Variants in NOTCH2 observed in about 807,000 individuals in gnomAD.
NOTCH2 encodes the protein neurogenic locus notch homolog protein 2.
In NOTCH2, 29 loss-of-function variants were observed where a neutral mutation model predicts 235.8. That is an observed-to-expected ratio of 0.12 (90% CI 0.09 to 0.17). The LOEUF (loss-of-function observed/expected upper bound fraction) is 0.17. Ranked by LOEUF, NOTCH2 falls within the 10% of genes least tolerant of loss-of-function variation. The pLI is 1.00. For missense variants in NOTCH2, 2,285 were observed against 3,150.2 expected, an observed-to-expected ratio of 0.73 and a Z score of 6.57; for synonymous variants, 1,086 against 1,141.5, an observed-to-expected ratio of 0.95 and a Z score of 0.98.
At chr1:119,999,264 A>T (rs1453130719) in intron 3 of NOTCH2, among the ~76,000 whole-genome samples, 1 of 148,550 alleles carries the variant, frequency 6.7e-6, no homozygotes, top group Admixed American at 6.7e-5. Context: ...TGTCTAGGAA[A>T]GTATCTAAAT....
chr1:120,004,980 G>A (rs1388973658), intron 3 of NOTCH2, among the ~76,000 whole-genome samples: 2 of 152,160 alleles, frequency 1.3e-5, no homozygotes, highest in African/African-American at 2.4e-5. Flanking sequence ...TAGAGATGGG[G>A]TCTTGCTGTG....
chr1:119,915,124 C>G lies in NOTCH2; in HGVS notation c.*182G>C. The G allele has an allele frequency of 1.5e-6, 1 of 665,268 alleles. No homozygotes were observed. The highest frequency in any genetic ancestry group is 2.7e-6 in the Non-Finnish European group (1 of 376,404). The allele number at this position is 665,268 out of a possible 1,614,324, so 41.2% of individuals were successfully genotyped here. A position where few individuals can be genotyped will look rare whatever the true frequency, so the allele number is the denominator to read the frequency against. On this transcript the variant is annotated 3_prime_UTR_variant, in exon 34 of 34. Transcript: ENST00000256646. ...AGATTAGAATAATCAATAAGCCTTGCAGATACCCAGTGAAACTGACGAATT... is the reference window on the plus strand; with the variant it reads ...AGATTAGAATAATCAATAAGCCTTGGAGATACCCAGTGAAACTGACGAATT...
At chr1:120,067,113 C>A (rs1221267115) in intron 1 of NOTCH2, among the ~76,000 whole-genome samples, 2 of 152,048 alleles carry the variant, frequency 1.3e-5, no homozygotes, top group Admixed American at 1.3e-4. Context: ...AAGCCAAACA[C>A]AGGAACACTC....
At position 119,914,832 on chromosome 1, in the gene NOTCH2, A is replaced by T. The variant is rs1283551308; in HGVS notation, c.*474T>A. 1 of 310,388 alleles carries T rather than the reference A, an allele frequency of 3.2e-6. No homozygotes were observed. The highest frequency in any genetic ancestry group is 6.0e-6 in the Non-Finnish European group (1 of 165,530). The allele number at this position is 310,388 out of a possible 1,614,324, so 19.2% of individuals were successfully genotyped here. ...TACAATCACGGAGAGGTGCAAAACC[A>T]AAAGCACCAAATGAAGACAAAAGAA... On this transcript the variant is annotated 3_prime_UTR_variant, in exon 34 of 34. Transcript: ENST00000256646.
intron 5 of NOTCH2, among the ~76,000 whole-genome samples, chr1:119,975,817 G>T (rs1203785296): frequency 2.6e-5 from 4 of 152,092 alleles, no homozygotes; most frequent in African/African-American, 9.7e-5. Flanking sequence ...GCTGTAACAC[G>T]CAGGGACACA....
At chr1:119,977,909 CTCTGACTATACACAATGGGATTAT>C (rs1651654228) in intron 5 of NOTCH2, among the ~76,000 whole-genome samples, 1 of 152,122 alleles carries the variant, frequency 6.6e-6, no homozygotes. Flanking sequence ...ATGTGCCAGG[CTCTGACTATACACAATGGGATTAT>C]AATGGTGAAC....
chr1:119,963,875 T>C, intron 10 of NOTCH2, 68 bp from the exon 11 acceptor site: 1 of 1,322,182 alleles, frequency 7.6e-7, no homozygotes, highest in Non-Finnish European at 1.1e-6. Context: ...AACACAAGTG[T>C]AGCTACATCC....
At chr1:119,980,215 A>G (rs1219163038) in intron 5 of NOTCH2, among the ~76,000 whole-genome samples, 3 of 152,204 alleles carry the variant, frequency 2.0e-5, no homozygotes, top group African/African-American at 7.2e-5. Flanking sequence ...CTAGTCCAAG[A>G]TCTCAAACTT....
At chr1:119,940,527 C>A (rs371054776) in intron 19 of NOTCH2, 28 bp downstream of exon 19, 5 of 1,601,120 alleles carry the variant, frequency 3.1e-6, no homozygotes, top group African/African-American at 1.3e-5. Flanking sequence ...TCTAGGGGAG[C>A]TGAGTGAATG....
chr1:119,980,977 G>A (rs782277135), intron 5 of NOTCH2, among the ~76,000 whole-genome samples: 6 of 152,174 alleles, frequency 3.9e-5, no homozygotes, highest in African/African-American at 7.2e-5. Context: ...AAGTGTGGAT[G>A]TTTCTCATAC....
At chr1:119,975,544 G>A (rs1553200821) in intron 5 of NOTCH2, among the ~76,000 whole-genome samples, 1 of 152,050 alleles carries the variant, frequency 6.6e-6, no homozygotes, top group East Asian at 1.9e-4. Context: ...TACTTGGGAG[G>A]CTGAGGCAGG....
chr1:119,972,274 G>C (rs587668224), intron 5 of NOTCH2, among the ~76,000 whole-genome samples: 11 of 152,310 alleles, frequency 7.2e-5, no homozygotes, highest in African/African-American at 2.6e-4. Context: ...TATAGTGCTA[G>C]CAGAAATGGT....
In NOTCH2 at chr1:119,963,675, C is replaced by T; in HGVS notation, c.1814G>A (p.Ser605Asn). 6.2e-7 allele frequency: 1 copy of T among 1,614,168 alleles called. No homozygotes were observed. The part of the protein sequence containing the change: ...CNPGYMGAIC[S>N]DQIDECYSSP... ...GCTGTAACATTCATCAATCTGGTCA[C>T]TGCAGATGGCGCCCATGTACCCGGG... Residue 605 changes from serine (S) to asparagine (N), a missense_variant, in exon 11 of 34, where the codon AGT becomes AAT. Ser to Asn is a conservative substitution (Grantham distance 46). This residue lies in a region of NOTCH2 where 431 missense variants were observed against 757.8 expected (regional missense o/e 0.57). Coordinates refer to ENST00000256646, the MANE Select transcript of NOTCH2 (RefSeq NM_024408.4).
rs1653247443 is a variant in NOTCH2, at chr1:120,012,624, A to G, written c.156-7036T>C. Among the ~76,000 whole-genome samples the G allele has an allele frequency of 2.6e-5, 4 of 152,264 alleles. No individual in the cohort carries two copies. In the South Asian group the frequency reaches 6.2e-4, roughly 24 times the overall value. ...AATTTCAGCAGTGATCTCAGAAACC[A>G]AATGGTCTGAACCCCTATAGCACTG... is the stretch of plus-strand genomic sequence containing the variant. On this transcript the variant is annotated intron_variant, in intron 2 of 33. Coordinates refer to ENST00000256646, the MANE Select transcript of NOTCH2 (RefSeq NM_024408.4).
chr1:119,950,163 A>G, intron 15 of NOTCH2: 1 of 304,108 alleles, frequency 3.3e-6, no homozygotes, highest in Middle Eastern at 1.2e-3. Flanking sequence ...TAAAAAGGCC[A>G]TTAAGAGGAA....
At position 119,937,354 on chromosome 1, in the gene NOTCH2, G is replaced by A. The variant is rs781818195; in HGVS notation, c.3450C>T (p.Leu1150=). 7.7e-5 allele frequency: 124 copies of A among 1,613,982 alleles called. No homozygotes were observed. The highest frequency in any genetic ancestry group is 1.0e-4 in the Non-Finnish European group (122 of 1,180,048). Residue 1150 remains leucine, a synonymous_variant, in exon 21 of 34, where the codon CTC becomes CTT. Coordinates refer to ENST00000256646, the MANE Select transcript of NOTCH2 (RefSeq NM_024408.4). The part of the protein sequence containing the change: ...GYTGSYCEEQ[L]DECASNPCQH... The stretch of plus-strand genomic sequence containing the variant: ...GGCAGGGGTTGGACGCACACTCATC[G>A]AGTTGCTCCTCACAGTAGCTCCCAG...
chr1:119,976,746 A>G (rs587761833), intron 5 of NOTCH2, among the ~76,000 whole-genome samples: 5 of 152,218 alleles, frequency 3.3e-5, no homozygotes, highest in Admixed American at 2.6e-4. Context: ...GGCTCTAACC[A>G]TGAAATATCA....
Position 119,980,474 on chromosome 1 carries a change from T to G in NOTCH2, c.874+6486A>C, listed in dbSNP as rs1253422503. ...CTCCCTCGCTCTTCCTTTTCAGTTGTGCAAAATCTTACATAGTGATCTAAA... is the reference window on the plus strand; with the variant it reads ...CTCCCTCGCTCTTCCTTTTCAGTTGGGCAAAATCTTACATAGTGATCTAAA... On this transcript the variant is annotated intron_variant, in intron 5 of 33. Transcript: ENST00000256646. Among the ~76,000 whole-genome samples the G allele has an allele frequency of 2.0e-5, 3 of 152,208 alleles. 1 individual carries two copies. Among genetic ancestry groups the G allele is most frequent in the African/African-American group, 7.2e-5 (3 of 41,454 alleles).
chr1:120,001,273 C>A (rs1317991989), intron 3 of NOTCH2, among the ~76,000 whole-genome samples: 1 of 152,040 alleles, frequency 6.6e-6, no homozygotes, highest in Non-Finnish European at 1.5e-5. Flanking sequence ...TGCCAGAGTG[C>A]CAACTATCCC....
Sources: allele counts gnomAD v4.1 joint callset (sites outside exome capture counted in the v4.1 genomes callset), GRCh38; gene constraint gnomAD v4.1.1; regional missense constraint gnomAD v4.1.1; transcripts MANE v1.5; gene names NCBI Gene and HGNC (gene_info 2026-07-23, HGNC 2026-07-21).